The following ROBO2 variants were observed in gnomAD, a reference collection of about 807,000 sequenced individuals.
ROBO2 encodes the protein roundabout guidance receptor 2, also known as roundabout homolog 2.
A neutral mutation model predicts 160.8 loss-of-function variants in ROBO2; 53 were observed. That is an observed-to-expected ratio of 0.33 (90% CI 0.26 to 0.41). The LOEUF is 0.41. Ranked by LOEUF, ROBO2 falls within the 10% of genes least tolerant of loss-of-function variation. The pLI is 1.00. For synonymous variants in ROBO2, 664 were observed against 611.7 expected, an observed-to-expected ratio of 1.09 and a Z score of -1.26; for missense variants, 1,577 against 1,722.4, an observed-to-expected ratio of 0.92 and a Z score of 1.49.
intron 2 of ROBO2, among the ~76,000 whole-genome samples, chr3:77,394,736 A>G (rs1165214648): frequency 6.6e-6 from 1 of 150,750 alleles, no homozygotes; most frequent in Non-Finnish European, 1.5e-5. Context: ...TGCATTGTTA[A>G]TGCTGTAATA....
chr3:76,745,546 T>C (rs2093871252), intron 2 of ROBO2, among the ~76,000 whole-genome samples: 1 of 152,150 alleles, frequency 6.6e-6, no homozygotes, highest in African/African-American at 2.4e-5. Context: ...AAAATAATTT[T>C]GCAACAAAAA....
At chr3:75,968,660 C>A (rs2064885384) in intron 2 of ROBO2, among the ~76,000 whole-genome samples, 1 of 151,538 alleles carries the variant, frequency 6.6e-6, no homozygotes, top group African/African-American at 2.4e-5. Flanking sequence ...CTATTGGTAA[C>A]ATACTATACT....
intron 2 of ROBO2, among the ~76,000 whole-genome samples, chr3:76,258,620 C>T (rs1027037973): frequency 2.0e-5 from 3 of 151,892 alleles, no homozygotes; most frequent in Non-Finnish European, 4.4e-5. Context: ...GTTATTGTAT[C>T]TAATTTTACT....
intron 2 of ROBO2, among the ~76,000 whole-genome samples, chr3:76,541,144 C>T (rs1278618118): frequency 3.3e-5 from 5 of 152,294 alleles, no homozygotes; most frequent in East Asian, 1.9e-4. Context: ...ATCAATTAAA[C>T]GTTAGTCCTC....
chr3:76,743,060 G>A (rs9857184), intron 2 of ROBO2, among the ~76,000 whole-genome samples: 2,522 of 152,038 alleles, frequency 0.017, 61 homozygotes, highest in African/African-American at 0.057. Context: ...ACAATATGGC[G>A]GCCTACAGCA....
chr3:76,747,122 T>A (rs1368792596), intron 2 of ROBO2, among the ~76,000 whole-genome samples: 5 of 152,166 alleles, frequency 3.3e-5, no homozygotes, highest in African/African-American at 1.2e-4. Flanking sequence ...TATGCGTGCA[T>A]GTATCTTTGT....
chr3:75,990,669 G>A (rs1408439793), intron 2 of ROBO2, among the ~76,000 whole-genome samples: 1 of 152,114 alleles, frequency 6.6e-6, no homozygotes, highest in East Asian at 1.9e-4. Context: ...GCCATTGGAA[G>A]GTAAGGTAAG....
chr3:76,061,619 C>A (rs2068071780), intron 2 of ROBO2, among the ~76,000 whole-genome samples: 1 of 152,142 alleles, frequency 6.6e-6, no homozygotes, highest in African/African-American at 2.4e-5. Flanking sequence ...TTTTGATATA[C>A]AGCTGGAAGC....
chr3:76,729,275 G>C (rs1006093311), intron 2 of ROBO2, among the ~76,000 whole-genome samples: 1 of 151,352 alleles, frequency 6.6e-6, no homozygotes, highest in African/African-American at 2.4e-5. Context: ...CAATTACCAA[G>C]GTTTTCTAAT....
At chr3:76,651,934 G>T (rs1442227430) in intron 2 of ROBO2, among the ~76,000 whole-genome samples, 1 of 152,012 alleles carries the variant, frequency 6.6e-6, no homozygotes, top group Non-Finnish European at 1.5e-5. Context: ...CCCCTTCCTT[G>T]CTAGGTCCAG....
intron 5 of ROBO2, among the ~76,000 whole-genome samples, chr3:77,495,844 G>C (rs895599210): frequency 6.6e-6 from 1 of 152,120 alleles, no homozygotes; most frequent in Non-Finnish European, 1.5e-5. Context: ...AGTGTGCATT[G>C]CATTTTAACA....
intron 2 of ROBO2, among the ~76,000 whole-genome samples, chr3:77,401,437 G>A (rs1262053690): frequency 6.6e-6 from 1 of 152,054 alleles, no homozygotes; most frequent in Non-Finnish European, 1.5e-5. Context: ...TACGCTAGAT[G>A]CAACTCAGAA....
chr3:77,423,575 T>C (rs2077908476), intron 2 of ROBO2, among the ~76,000 whole-genome samples: 2 of 152,190 alleles, frequency 1.3e-5, no homozygotes, highest in Non-Finnish European at 2.9e-5. Flanking sequence ...CTGGTTTTTC[T>C]ACTTAGAATG....
intron 1 of ROBO2, among the ~76,000 whole-genome samples, chr3:77,084,336 T>C (rs1404187461): frequency 6.6e-6 from 1 of 152,144 alleles, no homozygotes; most frequent in African/African-American, 2.4e-5. Flanking sequence ...TTCCAGATTT[T>C]CAGTTGCTGG....
At chr3:77,246,582 C>G (rs1367356304) in intron 2 of ROBO2, among the ~76,000 whole-genome samples, 1 of 151,720 alleles carries the variant, frequency 6.6e-6, no homozygotes, top group East Asian at 1.9e-4. Flanking sequence ...AGCCCACCCC[C>G]ATGTTAAACG....
intron 6 of ROBO2, among the ~76,000 whole-genome samples, chr3:77,543,113 C>G (rs1372393657): frequency 6.6e-6 from 1 of 152,082 alleles, no homozygotes; most frequent in Non-Finnish European, 1.5e-5. Context: ...AGTTGTCCTC[C>G]AAAGTACAGC....
chr3:76,287,364 C>A (rs1023663170), intron 2 of ROBO2, among the ~76,000 whole-genome samples: 17 of 151,110 alleles, frequency 1.1e-4, no homozygotes, highest in African/African-American at 4.1e-4. Flanking sequence ...GGCACAATCT[C>A]GGATCACTGC....
At chr3:76,477,189 C>T (rs1455758546) in intron 2 of ROBO2, among the ~76,000 whole-genome samples, 1 of 152,106 alleles carries the variant, frequency 6.6e-6, no homozygotes, top group African/African-American at 2.4e-5. Context: ...GCTGCTGATC[C>T]TATATCATAA....
At chr3:76,909,978 T>C (rs976316365) in intron 2 of ROBO2, among the ~76,000 whole-genome samples, 1 of 152,238 alleles carries the variant, frequency 6.6e-6, no homozygotes, top group Non-Finnish European at 1.5e-5. Context: ...TTTCTTAACA[T>C]CTTGGAGATT....
Sources: gnomAD v4.1 joint callset for allele counts (sites outside exome capture counted in the v4.1 genomes callset) on GRCh38, gnomAD v4.1.1 for gene constraint, MANE v1.5 for transcripts, NCBI Gene and HGNC (gene_info 2026-07-23, HGNC 2026-07-21) for gene names.